ANO3: variants seen among roughly 807,000 people sequenced by gnomAD.
The protein encoded by ANO3 is anoctamin 3.
ANO3 carries 99 observed loss-of-function variants against 144.8 expected under a neutral mutation model. That is an observed-to-expected ratio of 0.68 (90% confidence interval 0.58 to 0.81). ANO3 has a LOEUF of 0.81. Ranked by LOEUF, ANO3 falls within the 30% of genes least tolerant of loss-of-function variation. The pLI, the probability that ANO3 is intolerant of heterozygous loss-of-function variation, is 0.00. For synonymous variants in ANO3, 414 were observed against 392.6 expected, an observed-to-expected ratio of 1.05 and a Z score of -0.64; for missense variants, 905 against 1,202.2, an observed-to-expected ratio of 0.75 and a Z score of 3.66.
At chr11:26,421,358 T>C (rs1464409777) in intron 1 of ANO3, among the ~76,000 whole-genome samples, 1 of 152,042 alleles carries the variant, frequency 6.6e-6, no homozygotes. Flanking sequence ...CCATTTATGC[T>C]TTTTTCTTCA....
intron 12 of ANO3, 129 bp downstream of exon 12, chr11:26,547,679 G>T: frequency 8.8e-6 from 8 of 908,278 alleles, no homozygotes; most frequent in African/African-American, 3.8e-5. Flanking sequence ...TGCTATTTCT[G>T]TTTTTTGGCT....
chr11:26,290,934 T>G (rs1853941930), intron 1 of ANO3, among the ~76,000 whole-genome samples: 1 of 152,226 alleles, frequency 6.6e-6, no homozygotes, highest in South Asian at 2.1e-4. Context: ...GTCCACTTGG[T>G]GCAGAGCTGA....
At chr11:26,260,255 T>C (rs898930057) in intron 1 of ANO3, among the ~76,000 whole-genome samples, 1 of 152,146 alleles carries the variant, frequency 6.6e-6, no homozygotes, top group Non-Finnish European at 1.5e-5. Flanking sequence ...ATAAGACTTC[T>C]TTTCCCAACA....
rs3802754 is a variant in ANO3 at position 26,660,887 on chromosome 11, T to C, written c.*443T>C. 0.22 allele frequency: 34,241 copies of C among 155,082 alleles called. 4,072 individuals carry two copies. The highest frequency in any genetic ancestry group is 0.33 in the East Asian group (1,722 of 5,194). 9.6% of individuals were successfully genotyped at this position (155,082 alleles called of 1,614,324 possible). The stretch of plus-strand genomic sequence containing the variant: ...AAGTATGGTTGAGTTCAGATACTTA[T>C]AAGAAATGACTTAAACAAATCCTTG... On this transcript the variant is annotated 3_prime_UTR_variant, in exon 27 of 27. Coordinates refer to ENST00000256737, the MANE Select transcript of ANO3 (RefSeq NM_031418.4).
chr11:26,289,723 A>G (rs894185237), intron 1 of ANO3, among the ~76,000 whole-genome samples: 1 of 144,618 alleles, frequency 6.9e-6, no homozygotes, highest in African/African-American at 2.5e-5. Context: ...ATATGTGTAT[A>G]TATATTCTAT....
At chr11:26,393,127 G>T (rs1856924138) in intron 1 of ANO3, among the ~76,000 whole-genome samples, 1 of 152,102 alleles carries the variant, frequency 6.6e-6, no homozygotes. Context: ...GAAGCAACTG[G>T]ATACACGTGT....
At chr11:26,621,547 A>G (rs1270493921) in intron 17 of ANO3, among the ~76,000 whole-genome samples, 1 of 152,128 alleles carries the variant, frequency 6.6e-6, no homozygotes, top group Non-Finnish European at 1.5e-5. Flanking sequence ...AGAATACTCT[A>G]TAAAATAGTA....
At chr11:26,416,094 T>TA (rs1857577746) in intron 1 of ANO3, among the ~76,000 whole-genome samples, 1 of 152,118 alleles carries the variant, frequency 6.6e-6, no homozygotes, top group Non-Finnish European at 1.5e-5. Flanking sequence ...GGCCTTGCTT[T>TA]AGAAAACCCA....
intron 17 of ANO3, among the ~76,000 whole-genome samples, chr11:26,621,026 G>A (rs1251766253): frequency 6.6e-6 from 1 of 152,160 alleles, no homozygotes; most frequent in Non-Finnish European, 1.5e-5. Flanking sequence ...TTCTGCAAAA[G>A]CTTGGAGTTT....
intron 1 of ANO3, among the ~76,000 whole-genome samples, chr11:26,401,064 G>A (rs1015926203): frequency 6.6e-6 from 1 of 152,010 alleles, no homozygotes; most frequent in African/African-American, 2.4e-5. Flanking sequence ...TATGCATCGT[G>A]TGATGACATA....
At chr11:26,586,783 G>A (rs1851299088) in intron 14 of ANO3, among the ~76,000 whole-genome samples, 2 of 142,846 alleles carry the variant, frequency 1.4e-5, no homozygotes, top group Non-Finnish European at 3.2e-5. Flanking sequence ...ATTACAGGAT[G>A]AGCCACCACG....
chr11:26,296,813 A>G (rs538969385), intron 1 of ANO3, among the ~76,000 whole-genome samples: 116 of 152,320 alleles, frequency 7.6e-4, no homozygotes, highest in South Asian at 1.2e-3. Flanking sequence ...GACAGCTTTT[A>G]CTATGAAAAA....
At chr11:26,544,273 T>TATATATATATATATATATATATAC in intron 11 of ANO3, among the ~76,000 whole-genome samples, 748 of 58,022 alleles carry the variant, frequency 0.013, 27 homozygotes, top group Non-Finnish European at 0.018. Flanking sequence ...TATATATATA[T>TATATATATATATATATATATATAC]ACACACATAC....
chr11:26,653,942 G>A (rs2133090266), intron 24 of ANO3, among the ~76,000 whole-genome samples: 1 of 152,132 alleles, frequency 6.6e-6, no homozygotes, highest in African/African-American at 2.4e-5. Context: ...TTTCACCAAG[G>A]ATTGCAGTGC....
chr11:26,439,859 A>G (rs371629732), intron 1 of ANO3, among the ~76,000 whole-genome samples: 1 of 152,354 alleles, frequency 6.6e-6, no homozygotes, highest in African/African-American at 2.4e-5. Flanking sequence ...GAATCAGAGT[A>G]AAACAAATTT....
At chr11:26,644,158 T>C (rs1475407110) in intron 23 of ANO3, among the ~76,000 whole-genome samples, 2 of 152,190 alleles carry the variant, frequency 1.3e-5, no homozygotes, top group African/African-American at 4.8e-5. Context: ...TAACAAAACT[T>C]AACATTTTTA....
At chr11:26,533,854 T>G (rs1849435265) in intron 8 of ANO3, among the ~76,000 whole-genome samples, 1 of 152,192 alleles carries the variant, frequency 6.6e-6, no homozygotes, top group Non-Finnish European at 1.5e-5. Flanking sequence ...ATAGAGTAAC[T>G]AGAAACAGAA....
At chr11:26,250,157 C>T (rs1251940481) in intron 1 of ANO3, among the ~76,000 whole-genome samples, 1 of 152,204 alleles carries the variant, frequency 6.6e-6, no homozygotes, top group Non-Finnish European at 1.5e-5. Context: ...ATAACTGTCT[C>T]TACTACTTGC....
chr11:26,620,457 A>T (rs916283861), intron 17 of ANO3, among the ~76,000 whole-genome samples: 1 of 151,698 alleles, frequency 6.6e-6, no homozygotes, highest in Non-Finnish European at 1.5e-5. Flanking sequence ...TTAAAATCAA[A>T]TTTTATAAAT....
Sources: gnomAD v4.1 joint callset for allele counts (sites outside exome capture counted in the v4.1 genomes callset) on GRCh38, gnomAD v4.1.1 for gene constraint, MANE v1.5 for transcripts, NCBI Gene and HGNC (gene_info 2026-07-23, HGNC 2026-07-21) for gene names.